KCNH5: variants seen among roughly 807,000 people sequenced by gnomAD.
KCNH5 encodes potassium voltage-gated channel subfamily H member 5.
In KCNH5, 46 loss-of-function variants were observed where a neutral mutation model predicts 96.1. The observed-to-expected ratio is 0.48, with a 90% CI of 0.38 to 0.61. The LOEUF (loss-of-function observed/expected upper bound fraction) is 0.61, where lower values mean the gene tolerates loss of function less well. Ranked by LOEUF, KCNH5 falls within the 20% of genes least tolerant of loss-of-function variation. The pLI, the probability that KCNH5 is intolerant of heterozygous loss-of-function variation, is 0.00. For missense variants in KCNH5, 907 were observed against 1,225.8 expected, an observed-to-expected ratio of 0.74 and a Z score of 3.88; for synonymous variants, 439 against 449.8, an observed-to-expected ratio of 0.98 and a Z score of 0.30.
intron 6 of KCNH5, among the ~76,000 whole-genome samples, chr14:62,970,306 A>C (rs1566726001): frequency 6.6e-6 from 1 of 152,112 alleles, no homozygotes; most frequent in Non-Finnish European, 1.5e-5. Flanking sequence ...AATAATCTGA[A>C]TAGAACTACA....
At chr14:62,793,679 T>A (rs902739385) in intron 9 of KCNH5, among the ~76,000 whole-genome samples, 8 of 151,622 alleles carry the variant, frequency 5.3e-5, no homozygotes, top group Non-Finnish European at 1.2e-4. Flanking sequence ...ACTTAAAAAA[T>A]TTTTTTAAGT....
intron 7 of KCNH5, among the ~76,000 whole-genome samples, chr14:62,925,139 T>C (rs1889449452): frequency 6.6e-6 from 1 of 151,916 alleles, no homozygotes; most frequent in Non-Finnish European, 1.5e-5. Flanking sequence ...AAGAAATTGA[T>C]TGTTTGCCCT....
chr14:62,718,928 C>T (rs1020665992), intron 10 of KCNH5, among the ~76,000 whole-genome samples: 3 of 152,166 alleles, frequency 2.0e-5, no homozygotes, highest in Admixed American at 1.3e-4. Context: ...TGGAAAACAT[C>T]ATGCTAAGTG....
intron 1 of KCNH5, among the ~76,000 whole-genome samples, chr14:63,028,128 CTT>C (rs1214708564): frequency 4.6e-5 from 7 of 151,582 alleles, no homozygotes; most frequent in African/African-American, 1.2e-4. Flanking sequence ...CTCTCTCTCT[CTT>C]ATAAACAGAC....
intron 7 of KCNH5, among the ~76,000 whole-genome samples, chr14:62,880,494 A>G (rs1443069692): frequency 6.6e-6 from 1 of 152,212 alleles, no homozygotes; most frequent in Admixed American, 6.5e-5. Context: ...AAATTCTTTG[A>G]TGTCATTGAG....
At chr14:63,042,780 A>G (rs768880267) in intron 1 of KCNH5, among the ~76,000 whole-genome samples, 4 of 152,182 alleles carry the variant, frequency 2.6e-5, no homozygotes, top group Non-Finnish European at 5.9e-5. Context: ...TGTGTAGACC[A>G]ATTTAATACC....
At chr14:62,942,254 G>A (rs562185828) in intron 7 of KCNH5, among the ~76,000 whole-genome samples, 1 of 152,238 alleles carries the variant, frequency 6.6e-6, no homozygotes, top group Non-Finnish European at 1.5e-5. Flanking sequence ...AGTCCTGAAA[G>A]GGACCTTAAA....
chr14:62,976,537 C>A (rs892158489), intron 6 of KCNH5, among the ~76,000 whole-genome samples: 1 of 151,730 alleles, frequency 6.6e-6, no homozygotes, highest in Middle Eastern at 3.2e-3. Flanking sequence ...AATATCAAGA[C>A]AGTAGTCATG....
chr14:62,841,231 CTG>C (rs1566678347), intron 8 of KCNH5, among the ~76,000 whole-genome samples: 1 of 151,936 alleles, frequency 6.6e-6, no homozygotes, highest in Non-Finnish European at 1.5e-5. Context: ...AATTGAAACA[CTG>C]TTTCTTAAAA....
intron 8 of KCNH5, among the ~76,000 whole-genome samples, chr14:62,818,117 G>GGC (rs1555358336): frequency 8.7e-6 from 1 of 115,402 alleles, no homozygotes; most frequent in African/African-American, 3.0e-5. Context: ...GGCGGGGGGG[G>GGC]GGTGGAAGAA....
chr14:62,711,268 C>T (rs1242794033), intron 10 of KCNH5, among the ~76,000 whole-genome samples: 4 of 149,520 alleles, frequency 2.7e-5, no homozygotes, highest in African/African-American at 7.4e-5. Context: ...GTTTGAATTG[C>T]TACTATTTAG....
intron 8 of KCNH5, among the ~76,000 whole-genome samples, chr14:62,842,538 C>T (rs1191641625): frequency 2.0e-5 from 3 of 152,126 alleles, no homozygotes; most frequent in Non-Finnish European, 4.4e-5. Context: ...ATATTTGTTG[C>T]ATAATGCTTT....
At chr14:63,026,579 A>G (rs1002061403) in intron 1 of KCNH5, among the ~76,000 whole-genome samples, 1 of 152,164 alleles carries the variant, frequency 6.6e-6, no homozygotes, top group Non-Finnish European at 1.5e-5. Context: ...GATGAAATGC[A>G]AAGAGCTAAC....
chr14:62,790,233 G>A (rs1390274452), intron 9 of KCNH5, among the ~76,000 whole-genome samples: 3 of 151,646 alleles, frequency 2.0e-5, no homozygotes, highest in African/African-American at 7.3e-5. Context: ...TTTATTTCTG[G>A]GCTCTCTGTT....
chr14:62,890,884 T>C (rs1330086159), intron 7 of KCNH5, among the ~76,000 whole-genome samples: 1 of 150,406 alleles, frequency 6.6e-6, no homozygotes, highest in African/African-American at 2.5e-5. Context: ...AGAATAGCTA[T>C]TATTAAAAAG....
At chr14:62,740,284 T>C (rs1450032134) in intron 10 of KCNH5, among the ~76,000 whole-genome samples, 1 of 152,226 alleles carries the variant, frequency 6.6e-6, no homozygotes, top group African/African-American at 2.4e-5. Flanking sequence ...TGTCATTATA[T>C]GTCATCTTTT....
chr14:62,817,185 A>G (rs1174647638), intron 8 of KCNH5, among the ~76,000 whole-genome samples: 2 of 139,660 alleles, frequency 1.4e-5, no homozygotes, highest in East Asian at 3.9e-4. Context: ...AATATACTAT[A>G]TATTATATAT....
At chr14:63,012,506 A>C (rs1891247467) in intron 2 of KCNH5, among the ~76,000 whole-genome samples, 1 of 152,156 alleles carries the variant, frequency 6.6e-6, no homozygotes, top group African/African-American at 2.4e-5. Flanking sequence ...GTCTTATAGC[A>C]GTTAATTTAC....
intron 2 of KCNH5, among the ~76,000 whole-genome samples, chr14:63,013,655 G>A (rs1008674000): frequency 1.3e-5 from 2 of 152,026 alleles, no homozygotes; most frequent in South Asian, 2.1e-4. Context: ...GGAAAAAAGC[G>A]ATATGTAAAA....
Sources: gnomAD v4.1 joint callset for allele counts (sites outside exome capture counted in the v4.1 genomes callset) on GRCh38, gnomAD v4.1.1 for gene constraint, MANE v1.5 for transcripts, NCBI Gene and HGNC (gene_info 2026-07-23, HGNC 2026-07-21) for gene names.